SPAG16: variants seen among roughly 807,000 people sequenced by gnomAD.
SPAG16 encodes the protein sperm associated antigen 16, also known as sperm-associated antigen 16 protein.
Under a neutral mutation model 80.4 loss-of-function variants are expected in SPAG16, and 86 were observed. That is an observed-to-expected ratio of 1.07 (90% CI 0.90 to 1.28). The LOEUF (loss-of-function observed/expected upper bound fraction) is 1.28, where lower values mean the gene tolerates loss of function less well. Ranked by LOEUF, SPAG16 falls within the 50% of genes most tolerant of loss-of-function variation. The pLI is 0.00. For synonymous variants in SPAG16, 294 were observed against 265.9 expected (o/e 1.11, Z -1.03); for missense variants, 870 against 765.3 (o/e 1.14, Z -1.61).
intron 10 of SPAG16, among the ~76,000 whole-genome samples, chr2:213,616,682 G>A (rs2061608334): frequency 6.6e-6 from 1 of 152,102 alleles, no homozygotes; most frequent in Non-Finnish European, 1.5e-5. Flanking sequence ...AGTTCCTAAT[G>A]GGCCTGTTTT....
At chr2:214,227,502 C>G (rs1376706357) in intron 15 of SPAG16, among the ~76,000 whole-genome samples, 1 of 151,870 alleles carries the variant, frequency 6.6e-6, no homozygotes, top group Non-Finnish European at 1.5e-5. Flanking sequence ...TGTACTTACC[C>G]ATATCCCAAA....
intron 15 of SPAG16, among the ~76,000 whole-genome samples, chr2:214,165,199 A>T (rs2056596898): frequency 6.6e-6 from 1 of 151,996 alleles, no homozygotes; most frequent in African/African-American, 2.4e-5. Flanking sequence ...TGCATGAAAA[A>T]AAAGTTTGCA....
intron 15 of SPAG16, among the ~76,000 whole-genome samples, chr2:214,353,002 C>G (rs1698526291): frequency 5.3e-5 from 8 of 151,988 alleles, no homozygotes; most frequent in Admixed American, 5.2e-4. Flanking sequence ...CTATTTTTCC[C>G]CCTTACAAAT....
rs1008292434 is a variant in SPAG16 at position 213,823,969 on chromosome 2, T to G, written c.1071-38516T>G. ...TTTGTTGCAATTGCTTTTGGCATTT[T>G]TTCATGAAGTCTTTGCCCATGCCTA... On this transcript the variant is annotated intron_variant, in intron 10 of 15. Coordinates refer to ENST00000331683, the MANE Select transcript of SPAG16 (RefSeq NM_024532.5). Among the ~76,000 whole-genome samples, 31 of 152,200 alleles carry G rather than the reference T, an allele frequency of 2.0e-4. 1 individual carries two copies.
chr2:214,179,684 G>A (rs2057247451), intron 15 of SPAG16, among the ~76,000 whole-genome samples: 1 of 151,410 alleles, frequency 6.6e-6, no homozygotes, highest in Non-Finnish European at 1.5e-5. Context: ...AATGTGCTTA[G>A]ATAAATGTAT....
At chr2:213,941,413 A>T (rs953134) in intron 12 of SPAG16, among the ~76,000 whole-genome samples, 21,148 of 152,004 alleles carry the variant, frequency 0.14, 2,076 homozygotes, top group African/African-American at 0.28. Context: ...TTATTTTAGA[A>T]TTTTGCATAC....
chr2:213,929,624 C>G (rs928871239), intron 11 of SPAG16, among the ~76,000 whole-genome samples: 1 of 97,980 alleles, frequency 1.0e-5, no homozygotes, highest in Non-Finnish European at 2.7e-5. Flanking sequence ...TGTTCTGAAG[C>G]CCGATCATCC....
intron 9 of SPAG16, among the ~76,000 whole-genome samples, chr2:213,381,871 A>G (rs1228665121): frequency 6.6e-6 from 1 of 152,200 alleles, no homozygotes; most frequent in African/African-American, 2.4e-5. Context: ...TGTACCATTT[A>G]TGTTTTTAGG....
chr2:213,702,659 CTAT>C (rs1294128342), intron 10 of SPAG16, among the ~76,000 whole-genome samples: 1 of 152,182 alleles, frequency 6.6e-6, no homozygotes, highest in African/African-American at 2.4e-5. Flanking sequence ...CAATATACAA[CTAT>C]CCGTAATCTA....
intron 10 of SPAG16, among the ~76,000 whole-genome samples, chr2:213,851,408 C>T (rs998583663): frequency 5.3e-5 from 8 of 151,974 alleles, no homozygotes; most frequent in African/African-American, 1.7e-4. Flanking sequence ...CTTGAGAGTC[C>T]GAGGCAGGAG....
intron 13 of SPAG16, among the ~76,000 whole-genome samples, chr2:214,064,637 T>C (rs558744570): frequency 1.3e-5 from 2 of 152,262 alleles, no homozygotes; most frequent in Admixed American, 1.3e-4. Flanking sequence ...ACTAACTGAA[T>C]TACAGAAATC....
chr2:213,561,023 A>G (rs78507674), intron 10 of SPAG16, among the ~76,000 whole-genome samples: 1 of 152,146 alleles, frequency 6.6e-6, no homozygotes, highest in African/African-American at 2.4e-5. Context: ...GCCTCTACAT[A>G]TAGTTAATTT....
intron 13 of SPAG16, among the ~76,000 whole-genome samples, chr2:214,022,581 G>A (rs2047926113): frequency 6.6e-6 from 1 of 151,976 alleles, no homozygotes. Context: ...TAATTGTTTA[G>A]TTATATTTTG....
chr2:213,709,966 A>G (rs997840092), intron 10 of SPAG16, among the ~76,000 whole-genome samples: 2 of 152,224 alleles, frequency 1.3e-5, no homozygotes, highest in African/African-American at 4.8e-5. Flanking sequence ...GTTACTGTAC[A>G]CAAATTTAGA....
chr2:213,421,698 C>T (rs149896385), intron 9 of SPAG16, among the ~76,000 whole-genome samples: 1 of 152,336 alleles, frequency 6.6e-6, no homozygotes, highest in East Asian at 1.9e-4. Context: ...CAGATGGACC[C>T]AGCCAGACTC....
chr2:213,982,223 A>G (rs1423797833), intron 12 of SPAG16, among the ~76,000 whole-genome samples: 1 of 152,100 alleles, frequency 6.6e-6, no homozygotes, highest in Non-Finnish European at 1.5e-5. Flanking sequence ...AGTAATTTCA[A>G]CAATGGAGGC....
chr2:213,677,832 A>G (rs1159782805), intron 10 of SPAG16, among the ~76,000 whole-genome samples: 1 of 152,120 alleles, frequency 6.6e-6, no homozygotes, highest in African/African-American at 2.4e-5. Context: ...TCAGAACCAC[A>G]CCACACCGAT....
chr2:213,500,282 A>G (rs2125772291), intron 10 of SPAG16, among the ~76,000 whole-genome samples: 1 of 152,320 alleles, frequency 6.6e-6, no homozygotes, highest in Middle Eastern at 3.4e-3. Context: ...AAGGAAAACT[A>G]GGCATTTCAG....
At chr2:213,590,683 C>T (rs376751131) in intron 10 of SPAG16, among the ~76,000 whole-genome samples, 13 of 152,184 alleles carry the variant, frequency 8.5e-5, no homozygotes, top group Admixed American at 2.0e-4. Flanking sequence ...GAAAATGGAA[C>T]GCTTATGTGC....
Sources: allele counts gnomAD v4.1 joint callset (sites outside exome capture counted in the v4.1 genomes callset), GRCh38; gene constraint gnomAD v4.1.1; transcripts MANE v1.5; gene names NCBI Gene and HGNC (gene_info 2026-07-23, HGNC 2026-07-21).